SH2D4B: variants seen among roughly 807,000 people sequenced by gnomAD.
SH2D4B encodes SH2 domain-containing protein 4B.
A neutral mutation model predicts 61.5 loss-of-function variants in SH2D4B; 45 were observed. That is an observed-to-expected ratio of 0.73 (90% CI 0.58 to 0.94). SH2D4B has a LOEUF of 0.94. Ranked by LOEUF, SH2D4B falls within the 40% of genes least tolerant of loss-of-function variation. SH2D4B has a pLI of 0.00. For synonymous variants in SH2D4B, 224 were observed against 220.4 expected, an observed-to-expected ratio of 1.02 and a Z score of -0.14; for missense variants, 572 against 574.2, an observed-to-expected ratio of 1.00 and a Z score of 0.04.
chr10:80,627,002 T>G (rs1842773591), intron 6 of SH2D4B, among the ~76,000 whole-genome samples: 1 of 152,192 alleles, frequency 6.6e-6, no homozygotes, highest in African/African-American at 2.4e-5. Flanking sequence ...ATAACAGGGT[T>G]GATAGGAAGA....
chr10:80,570,450 C>G, intron 2 of SH2D4B, 134 bp downstream of exon 2: 1 of 1,157,806 alleles, frequency 8.6e-7, no homozygotes, highest in Non-Finnish European at 1.2e-6. Flanking sequence ...AAACTCCTGA[C>G]CTCAGGTGAG....
Position 80,603,639 on chromosome 10 carries a change from A to G in SH2D4B, c.704A>G (p.Glu235Gly), listed in dbSNP as rs778211117. 1.1e-5 allele frequency: 17 copies of G among 1,600,446 alleles called. No individual in the cohort carries two copies. The African/African-American group carries it at 1.6e-4, about 15-fold the overall frequency. Residue 235 changes from glutamate (E) to glycine (G), a missense_variant, in exon 5 of 8, where the codon GAG (glutamate) becomes GGG (glycine). Physicochemically the swap from Glu to Gly is moderately conservative, Grantham distance 98. Transcript: ENST00000646907. ...CGCCGAGCCCAGCGCGCCCGGGACGAGTACCGACACCACTCGCTCCGTGCT... is the reference window on the plus strand; with the variant it reads ...CGCCGAGCCCAGCGCGCCCGGGACGGGTACCGACACCACTCGCTCCGTGCT... ...RSRRAQRARD[E>G]YRHHSLRAIQ...
intron 1 of SH2D4B, among the ~76,000 whole-genome samples, chr10:80,563,738 G>T (rs1407961605): frequency 6.6e-6 from 1 of 152,174 alleles, no homozygotes; most frequent in Non-Finnish European, 1.5e-5. Flanking sequence ...TATTTTTAAA[G>T]AATGTACAGG....
chr10:80,609,278 C>G, intron 5 of SH2D4B, 146 bp from the exon 6 acceptor site: 3 of 705,904 alleles, frequency 4.2e-6, no homozygotes, highest in Non-Finnish European at 4.5e-6. Flanking sequence ...CTCTCATGGC[C>G]CTCCCCTGCC....
At chr10:80,638,697 C>G (rs192716032) in intron 7 of SH2D4B, among the ~76,000 whole-genome samples, 180 of 152,258 alleles carry the variant, frequency 1.2e-3, no homozygotes, top group African/African-American at 3.9e-3. Flanking sequence ...ATTAGTCCTG[C>G]TAGTGGTCTA....
intron 1 of SH2D4B, among the ~76,000 whole-genome samples, chr10:80,555,058 G>A (rs1013479813): frequency 2.8e-4 from 40 of 140,770 alleles, no homozygotes; most frequent in Non-Finnish European, 5.4e-4. Flanking sequence ...TAAAACCTAA[G>A]CAACTAGGCA....
At chr10:80,623,010 G>A (rs1842731941) in intron 6 of SH2D4B, among the ~76,000 whole-genome samples, 1 of 152,212 alleles carries the variant, frequency 6.6e-6, no homozygotes, top group South Asian at 2.1e-4. Context: ...CCTCTCCCGG[G>A]TTCAAGCGAT....
chr10:80,629,019 G>A (rs1438850074), intron 6 of SH2D4B, among the ~76,000 whole-genome samples: 2 of 107,668 alleles, frequency 1.9e-5, no homozygotes, highest in African/African-American at 9.8e-5. Context: ...GACAGAGCGA[G>A]ACTCTATCTC....
intron 6 of SH2D4B, among the ~76,000 whole-genome samples, chr10:80,619,911 T>G (rs1048383383): frequency 1.3e-5 from 2 of 152,250 alleles, no homozygotes; most frequent in African/African-American, 4.8e-5. Flanking sequence ...TGCAGATGTT[T>G]GCAGCCACTC....
intron 3 of SH2D4B, among the ~76,000 whole-genome samples, chr10:80,586,979 C>A (rs1252526843): frequency 1.3e-5 from 2 of 152,058 alleles, no homozygotes; most frequent in African/African-American, 4.8e-5. Flanking sequence ...AGACCACGAA[C>A]CCACCAGAAG....
chr10:80,640,228 CT>C (rs948827721), intron 7 of SH2D4B, among the ~76,000 whole-genome samples: 1 of 152,136 alleles, frequency 6.6e-6, no homozygotes, highest in Non-Finnish European at 1.5e-5. Flanking sequence ...ACATTTTTTC[CT>C]TCATTTCAAC....
chr10:80,621,707 A>T (rs1420475338), intron 6 of SH2D4B, among the ~76,000 whole-genome samples: 1 of 152,172 alleles, frequency 6.6e-6, no homozygotes, highest in Non-Finnish European at 1.5e-5. Flanking sequence ...GTTTTAGCAC[A>T]TCTACTGCTG....
chr10:80,560,962 TA>T (rs1841895529), intron 1 of SH2D4B, among the ~76,000 whole-genome samples: 1 of 152,166 alleles, frequency 6.6e-6, no homozygotes, highest in African/African-American at 2.4e-5. Flanking sequence ...ACACTCTCGA[TA>T]AAATCAATGA....
intron 1 of SH2D4B, among the ~76,000 whole-genome samples, chr10:80,547,991 C>T (rs899949353): frequency 6.6e-6 from 1 of 152,092 alleles, no homozygotes; most frequent in Non-Finnish European, 1.5e-5. Flanking sequence ...ACAGGGCTGT[C>T]CACCTGACCC....
chr10:80,542,491 G>A (rs1356486006), intron 1 of SH2D4B, among the ~76,000 whole-genome samples: 8 of 147,290 alleles, frequency 5.4e-5, no homozygotes, highest in African/African-American at 2.0e-4. Context: ...TCTGCCTCCC[G>A]GGTTCAAGCG....
intron 3 of SH2D4B, among the ~76,000 whole-genome samples, chr10:80,576,419 G>A (rs777747595): frequency 6.6e-6 from 1 of 152,236 alleles, no homozygotes; most frequent in Non-Finnish European, 1.5e-5. Context: ...ATTTTGAAGA[G>A]CCTCAGAAAT....
intron 1 of SH2D4B, among the ~76,000 whole-genome samples, chr10:80,540,130 C>T (rs932049648): frequency 2.6e-5 from 4 of 152,190 alleles, no homozygotes; most frequent in African/African-American, 9.7e-5. Flanking sequence ...ACATTAAACT[C>T]ATTTGAGTTT....
In SH2D4B at chr10:80,586,968, G is replaced by A. The variant is rs191518072; in HGVS notation, c.496-1662G>A. 2.5e-3 allele frequency among the ~76,000 whole-genome samples: 378 copies of A among 152,030 alleles called. 1 individual carries two copies. The highest frequency in any genetic ancestry group is 5.0e-3 in the South Asian group (24 of 4,804). ...TCCGCAGCTTCACTCCTGAGCCAGC[G>A]AGACCACGAACCCACCAGAAGGAAG... On this transcript the variant is annotated intron_variant, in intron 3 of 7. Transcript: ENST00000646907.
In SH2D4B at chr10:80,567,155, T is replaced by C. The variant is rs556946050; in HGVS notation, c.185-2999T>C. Among the ~76,000 whole-genome samples, 4 of 152,232 alleles carry C rather than the reference T, an allele frequency of 2.6e-5. No individual in the cohort carries two copies. In the East Asian group the frequency reaches 5.8e-4, roughly 22 times the overall value. On this transcript the variant is annotated intron_variant, in intron 1 of 7. Transcript: ENST00000646907. ...ATTCCACCATTTATTTCCAGCTGGG[T>C]GGACAAGAGTGAAAATGTGGAAAAG...
Sources: gnomAD v4.1 joint callset for allele counts (sites outside exome capture counted in the v4.1 genomes callset) on GRCh38, gnomAD v4.1.1 for gene constraint, MANE v1.5 for transcripts, NCBI Gene and HGNC (gene_info 2026-07-23, HGNC 2026-07-21) for gene names.